Variants in PLPP3 observed in about 807,000 individuals in gnomAD.
PLPP3 encodes the protein phospholipid phosphatase 3, also known as PAP2 beta.
PLPP3 carries 6 observed loss-of-function variants against 29.6 expected under a neutral mutation model. The ratio of observed to expected loss-of-function variants is 0.20; its 90% CI spans 0.11 to 0.40. The LOEUF (loss-of-function observed/expected upper bound fraction) is 0.40. PLPP3 is among the 10% of genes least tolerant of loss of function. PLPP3 has a pLI of 1.00. For missense variants in PLPP3, 308 were observed against 407.7 expected, an observed-to-expected ratio of 0.76 and a Z score of 2.11; for synonymous variants, 152 against 159.7, an observed-to-expected ratio of 0.95 and a Z score of 0.36.
Position 56,524,007 on chromosome 1 carries a change from C to G in PLPP3, c.576-127G>C. 7.1e-6 allele frequency: 8 copies of G among 1,126,108 alleles called. No individual in the cohort carries two copies. Among genetic ancestry groups the G allele is most frequent in the Non-Finnish European group, 1.0e-5 (8 of 778,698 alleles). The allele number at this position is 1,126,108 out of a possible 1,614,324, so 69.8% of individuals were successfully genotyped here. A position where few individuals can be genotyped will look rare whatever the true frequency, so the allele number is the denominator to read the frequency against. ...ACTAGGCCCTGTTCATTTTTGCATCCTTGGTAGTGCTTTGGACCCATGCCT... is the reference window on the plus strand; with the variant it reads ...ACTAGGCCCTGTTCATTTTTGCATCGTTGGTAGTGCTTTGGACCCATGCCT... On this transcript the variant is annotated intron_variant, in intron 3 of 5. Transcript: ENST00000371250. The surrounding 1 kb of genome is among the most constrained non-coding windows in gnomAD (Gnocchi z 4.3).
intron 5 of PLPP3, among the ~76,000 whole-genome samples, chr1:56,511,129 C>T (rs1045876898): frequency 6.6e-6 from 1 of 152,112 alleles, no homozygotes; most frequent in Non-Finnish European, 1.5e-5. Flanking sequence ...GGTGAGCTCC[C>T]CTCAGTAGGG....
chr1:56,547,894 T>C (rs1249445881), intron 1 of PLPP3, among the ~76,000 whole-genome samples: 2 of 152,230 alleles, frequency 1.3e-5, no homozygotes, highest in African/African-American at 2.4e-5. Flanking sequence ...TTGCCTAATT[T>C]CTCTGAGCCT....
chr1:56,519,673 C>T (rs965991249), intron 4 of PLPP3, among the ~76,000 whole-genome samples: 2 of 151,884 alleles, frequency 1.3e-5, no homozygotes, highest in African/African-American at 4.8e-5. Context: ...TCAATACAGA[C>T]GTGGTCCTCT....
chr1:56,557,047 AGAGAGAGAGAG>A (rs1646087418), intron 1 of PLPP3, among the ~76,000 whole-genome samples: 2 of 60,464 alleles, frequency 3.3e-5, no homozygotes, highest in Admixed American at 2.0e-4. Flanking sequence ...AGAGAGAGAG[AGAGAGAGAGAG>A]AAAGAAAGAA....
intron 4 of PLPP3, among the ~76,000 whole-genome samples, chr1:56,521,180 A>G (rs1343136423): frequency 6.9e-6 from 1 of 145,550 alleles, no homozygotes; most frequent in Non-Finnish European, 1.5e-5. Flanking sequence ...GGTTGCAGTG[A>G]GCCAAGATGG....
chr1:56,557,078 AAATGAG>A (rs1318032437), intron 1 of PLPP3, among the ~76,000 whole-genome samples: 1 of 122,996 alleles, frequency 8.1e-6, no homozygotes, highest in African/African-American at 3.0e-5. Context: ...AAGAAAGAAA[AAATGAG>A]AGAGAGAGAA....
intron 1 of PLPP3, among the ~76,000 whole-genome samples, chr1:56,556,992 A>G (rs1432116910): frequency 1.7e-4 from 3 of 17,906 alleles, no homozygotes; most frequent in East Asian, 1.5e-3. Context: ...GAAAGAAAGA[A>G]AGAAAGAAAG....
chr1:56,518,555 CGA>C (rs1645797652), intron 4 of PLPP3, among the ~76,000 whole-genome samples: 1 of 151,998 alleles, frequency 6.6e-6, no homozygotes, highest in Admixed American at 6.6e-5. Context: ...GCGGATGGCC[CGA>C]GTGTCAGAAG....
intron 1 of PLPP3, among the ~76,000 whole-genome samples, chr1:56,553,590 TTCAA>T (rs2100286110): frequency 6.6e-6 from 1 of 152,302 alleles, no homozygotes; most frequent in South Asian, 2.1e-4. Flanking sequence ...GCTTCTTTCC[TTCAA>T]ACACCTCTCT....
intron 1 of PLPP3, among the ~76,000 whole-genome samples, chr1:56,560,958 C>T (rs1270818457): frequency 6.6e-6 from 1 of 151,466 alleles, no homozygotes; most frequent in Admixed American, 6.6e-5. Context: ...CTGCCTCAGC[C>T]TCCCGAGTAG....
In PLPP3 at chr1:56,542,894, T is replaced by A. The variant is rs995613338; in HGVS notation, c.140-5782A>T. ...AAAATTAGCCGAGTGTGGTGGTGCA[T>A]GCCTGTAGTCCCAGCTACTCAGGAG... On this transcript the variant is annotated intron_variant, in intron 1 of 5. Coordinates refer to ENST00000371250, the MANE Select transcript of PLPP3 (RefSeq NM_003713.5). 3.3e-5 allele frequency among the ~76,000 whole-genome samples: 5 copies of A among 151,066 alleles called. No individual in the cohort carries two copies. In the South Asian group the frequency reaches 1.0e-3, roughly 31 times the overall value.
At chr1:56,526,701 G>T (rs1357238205) in intron 2 of PLPP3, among the ~76,000 whole-genome samples, 1 of 152,114 alleles carries the variant, frequency 6.6e-6, no homozygotes, top group Non-Finnish European at 1.5e-5. Flanking sequence ...TTTGCAAAAC[G>T]AGGGTGCTAG....
chr1:56,514,219 AAGTTAGAG>A (rs1645766144), intron 4 of PLPP3, among the ~76,000 whole-genome samples: 1 of 152,052 alleles, frequency 6.6e-6, no homozygotes, highest in Admixed American at 6.6e-5. Context: ...GCTATGAAAG[AAGTTAGAG>A]GCTGGGGTCA....
chr1:56,574,661 G>A (rs928793694), intron 1 of PLPP3, among the ~76,000 whole-genome samples: 4 of 152,114 alleles, frequency 2.6e-5, no homozygotes, highest in African/African-American at 2.4e-5. Flanking sequence ...GGACACATCC[G>A]GCGTAGGAAA....
rs1407617620 is a variant in PLPP3, at chr1:56,558,537, AATTATTTATGACAG to A, written c.139+20327_139+20340del. Among the ~76,000 whole-genome samples the A allele has an allele frequency of 3.3e-5, 5 of 152,334 alleles. No homozygotes were observed. In the East Asian group the frequency reaches 9.6e-4, roughly 29 times the overall value. ...GCATTTATTTGTTCCAAAGCTTGCCAATTATTTATGACAGATAACAGTTTCTAAACACTTAAGGG... is the reference window on the plus strand; with the variant it reads ...GCATTTATTTGTTCCAAAGCTTGCCAATAACAGTTTCTAAACACTTAAGGG... On this transcript the variant is annotated intron_variant, in intron 1 of 5. Transcript: ENST00000371250.
At chr1:56,556,744 T>C (rs897419551) in intron 1 of PLPP3, among the ~76,000 whole-genome samples, 3 of 150,994 alleles carry the variant, frequency 2.0e-5, no homozygotes, top group African/African-American at 7.3e-5. Context: ...GTGAATGTAG[T>C]GTGAAGTATT....
rs867460736 is a variant in PLPP3 at position 56,499,082 on chromosome 1, C to G, written c.811-2406G>C. Among the ~76,000 whole-genome samples the G allele has an allele frequency of 8.1e-3, 1,205 of 149,312 alleles. 17 individuals are homozygous for G. The highest frequency in any genetic ancestry group is 0.028 in the African/African-American group (1,146 of 40,522). On this transcript the variant is annotated intron_variant, in intron 5 of 5. Coordinates refer to ENST00000371250, the MANE Select transcript of PLPP3 (RefSeq NM_003713.5). ...GGGGACAGCTCCCCCGTCCCCCCCC[C>G]CCACCTTCCCCCCTTCAAGATCTTG...
intron 4 of PLPP3, among the ~76,000 whole-genome samples, chr1:56,516,265 A>G (rs2100238109): frequency 6.6e-6 from 1 of 152,070 alleles, no homozygotes; most frequent in Admixed American, 6.5e-5. Flanking sequence ...CACACAAGCC[A>G]CTCCAGGCCA....
Position 56,522,938 on chromosome 1 carries a change from CTCTG to C in PLPP3, c.633+881_633+884del, listed in dbSNP as rs1468016865. Among the ~76,000 whole-genome samples, 3 of 152,262 alleles carry C rather than the reference CTCTG, an allele frequency of 2.0e-5. No homozygotes were observed. In the East Asian group the frequency reaches 5.8e-4, roughly 29 times the overall value. On this transcript the variant is annotated intron_variant, in intron 4 of 5. Coordinates refer to ENST00000371250, the MANE Select transcript of PLPP3 (RefSeq NM_003713.5). Reference sequence around the variant, plus strand: ...ACTGACAAAGAAAAACAGACCAGCCCTCTGTCTGTCCAGCAGCTGGAGGCAAGCA... The same window carrying C: ...ACTGACAAAGAAAAACAGACCAGCCCTCTGTCCAGCAGCTGGAGGCAAGCA...
Sources: allele counts gnomAD v4.1 joint callset (sites outside exome capture counted in the v4.1 genomes callset), GRCh38; gene constraint gnomAD v4.1.1; non-coding constraint Gnocchi (gnomAD v3.1); transcripts MANE v1.5; gene names NCBI Gene and HGNC (gene_info 2026-07-23, HGNC 2026-07-21).